Variants in SEC63 observed in about 807,000 individuals in gnomAD.
SEC63 encodes SEC63 protein translocation regulator.
SEC63 carries 56 observed loss-of-function variants against 116.2 expected under a neutral mutation model. The observed-to-expected ratio is 0.48, with a 90% CI of 0.39 to 0.60. The LOEUF (loss-of-function observed/expected upper bound fraction) is 0.60. SEC63 is among the 20% of genes least tolerant of loss of function. The probability of loss-of-function intolerance (pLI) is 0.00; values close to 1 mark genes in which losing one functional copy is unlikely to be tolerated. For synonymous variants in SEC63, 273 were observed against 294.6 expected (o/e 0.93, Z 0.75); for missense variants, 668 against 900.0 (o/e 0.74, Z 3.30).
At chr6:107,878,806 G>A (rs34594108) in intron 18 of SEC63, among the ~76,000 whole-genome samples, 7,414 of 151,916 alleles carry the variant, frequency 0.049, 261 homozygotes, top group Non-Finnish European at 0.074. Flanking sequence ...AGTGAGCCAA[G>A]ATTGCGCCAC....
rs1325216274 is a variant in SEC63, at chr6:107,917,782, CA to C, written c.452+4014del. On this transcript the variant is annotated intron_variant, in intron 4 of 20. Transcript: ENST00000369002. ...AAGGCTGAGAGAGGTGAGGGAGCTGCAGAAGCTAGCAGATGTTGGTCCACAA... is the reference window on the plus strand; with the variant it reads ...AAGGCTGAGAGAGGTGAGGGAGCTGCGAAGCTAGCAGATGTTGGTCCACAA... Among the ~76,000 whole-genome samples the C allele has an allele frequency of 3.3e-5, 5 of 152,168 alleles. 1 individual carries two copies. Among genetic ancestry groups the C allele is most frequent in the African/African-American group, 7.2e-5 (3 of 41,448 alleles).
chr6:107,949,007 G>A (rs1770529216), intron 1 of SEC63, among the ~76,000 whole-genome samples: 1 of 152,190 alleles, frequency 6.6e-6, no homozygotes, highest in African/African-American at 2.4e-5. Flanking sequence ...AAATACATGT[G>A]TATGTCTTTC....
At chr6:107,932,304 A>C (rs1436411443) in intron 1 of SEC63, 1 of 152,212 alleles carries the variant, frequency 6.6e-6, no homozygotes, top group African/African-American at 2.4e-5. Context: ...ATTAAAAAAA[A>C]ATCTACAAAA....
intron 4 of SEC63, 97 bp downstream of exon 4, chr6:107,921,700 C>A: frequency 1.2e-6 from 1 of 815,740 alleles, no homozygotes; most frequent in Non-Finnish European, 2.2e-6. Context: ...GATCCTCCTG[C>A]CTCAGCCTCC....
intron 1 of SEC63, among the ~76,000 whole-genome samples, chr6:107,944,381 A>C (rs966071711): frequency 2.0e-5 from 3 of 152,214 alleles, no homozygotes; most frequent in African/African-American, 7.2e-5. Flanking sequence ...ACTTATACAC[A>C]CAAGTCTGGA....
intron 16 of SEC63, among the ~76,000 whole-genome samples, chr6:107,890,868 C>A (rs567191897): frequency 6.6e-6 from 1 of 152,228 alleles, no homozygotes; most frequent in African/African-American, 2.4e-5. Context: ...GTTGAAAATT[C>A]TTTTCTTTAA....
At chr6:107,890,912 C>T (rs1471981750) in intron 16 of SEC63, among the ~76,000 whole-genome samples, 1 of 152,194 alleles carries the variant, frequency 6.6e-6, no homozygotes, top group Non-Finnish European at 1.5e-5. Context: ...TCTCTTCTGG[C>T]TTGTAAGGTT....
intron 2 of SEC63, among the ~76,000 whole-genome samples, chr6:107,928,874 AG>A (rs761781314): frequency 2.0e-5 from 3 of 152,252 alleles, no homozygotes; most frequent in African/African-American, 4.8e-5. Context: ...AAGGGTGATT[AG>A]GTCCCTGATC....
Position 107,906,822 on chromosome 6 carries a change from C to T in SEC63, c.734-45G>A, listed in dbSNP as rs186687480. On this transcript the variant is annotated intron_variant, in intron 8 of 20. Coordinates refer to ENST00000369002, the MANE Select transcript of SEC63 (RefSeq NM_007214.5). ...ATGAAGGTAAATAAATATGCTCATT[C>T]ATTAATTCCCCCTCCTGAGATACTT... 1.5e-3 allele frequency: 1,990 copies of T among 1,367,508 alleles called. 26 individuals are homozygous for T. Among genetic ancestry groups the T allele is most frequent in the Non-Finnish European group, 2.0e-4 (195 of 956,066 alleles). 84.7% of individuals were successfully genotyped at this position (1,367,508 alleles called of 1,614,324 possible). A position where few individuals can be genotyped will look rare whatever the true frequency, so the allele number is the denominator to read the frequency against.
In SEC63 at chr6:107,869,012, CCT is replaced by C. The variant is rs1203721146; in HGVS notation, c.*2690_*2691del. 1.3e-5 allele frequency: 2 copies of C among 152,202 alleles called. No individual in the cohort carries two copies. The highest frequency in any genetic ancestry group is 2.9e-5 in the Non-Finnish European group (2 of 68,114). The allele number at this position is 152,202 out of a possible 1,614,324, so 9.4% of individuals were successfully genotyped here. On this transcript the variant is annotated 3_prime_UTR_variant, in exon 21 of 21. Transcript: ENST00000369002. The stretch of plus-strand genomic sequence containing the variant: ...GAGAGCCTCATTATATCTCTCCCTC[CCT>C]GTTTCCACATCAGTTGTTTGACATC...
At position 107,869,221 on chromosome 6, in the gene SEC63, G is replaced by GT. The variant is rs1562309405; in HGVS notation, c.*2482dup. 6.6e-6 allele frequency: 1 copy of GT among 152,000 alleles called. No individual in the cohort carries two copies. Among genetic ancestry groups the GT allele is most frequent in the African/African-American group, 2.4e-5 (1 of 41,336 alleles). The allele number at this position is 152,000 out of a possible 1,614,324, so 9.4% of individuals were successfully genotyped here. A position where few individuals can be genotyped will look rare whatever the true frequency, so the allele number is the denominator to read the frequency against. ...ACTTAAAAAAAAAATTATGAAAAAT[G>GT]TTTAAAAAATTCAAAAAGGACATGA... On this transcript the variant is annotated 3_prime_UTR_variant, in exon 21 of 21. Transcript: ENST00000369002.
intron 12 of SEC63, 60 bp from the exon 13 acceptor site, chr6:107,901,577 AG>A (rs1028448514): frequency 9.6e-6 from 12 of 1,244,456 alleles, no homozygotes; most frequent in Non-Finnish European, 1.2e-5. Flanking sequence ...TTTCATAAAA[AG>A]AAAATTACTC....
chr6:107,870,258 C>G lies in SEC63; in HGVS notation c.*1446G>C, dbSNP rs944275216. On this transcript the variant is annotated 3_prime_UTR_variant, in exon 21 of 21. Coordinates refer to ENST00000369002, the MANE Select transcript of SEC63 (RefSeq NM_007214.5). Reference sequence around the variant, plus strand: ...TTATAGAGAAAGAAACTGCTTTCACCCTTTTATAGGAAATATTACATCTTA... The same window carrying G: ...TTATAGAGAAAGAAACTGCTTTCACGCTTTTATAGGAAATATTACATCTTA... 1 of 152,692 alleles carries G rather than the reference C, an allele frequency of 6.5e-6. No individual in the cohort carries two copies. Among genetic ancestry groups the G allele is most frequent in the Non-Finnish European group, 1.5e-5 (1 of 68,016 alleles). 9.5% of individuals were successfully genotyped at this position (152,692 alleles called of 1,614,324 possible). A position where few individuals can be genotyped will look rare whatever the true frequency, so the allele number is the denominator to read the frequency against.
Position 107,868,807 on chromosome 6 carries a change from G to T in SEC63, c.*2897C>A, listed in dbSNP as rs968754607. 2 of 152,072 alleles carry T rather than the reference G, an allele frequency of 1.3e-5. No individual in the cohort carries two copies. Among genetic ancestry groups the T allele is most frequent in the African/African-American group, 4.8e-5 (2 of 41,402 alleles). The allele number at this position is 152,072 out of a possible 1,614,324, so 9.4% of individuals were successfully genotyped here. On this transcript the variant is annotated 3_prime_UTR_variant, in exon 21 of 21. Coordinates refer to ENST00000369002, the MANE Select transcript of SEC63 (RefSeq NM_007214.5). ...TTCATTTTGATAGCTCCAGTATCCAGTCACAGAGCCTGGCACATAGAAACT... is the reference window on the plus strand; with the variant it reads ...TTCATTTTGATAGCTCCAGTATCCATTCACAGAGCCTGGCACATAGAAACT...
intron 16 of SEC63, among the ~76,000 whole-genome samples, chr6:107,887,325 A>G (rs2114415250): frequency 7.0e-6 from 1 of 142,422 alleles, no homozygotes; most frequent in East Asian, 2.0e-4. Context: ...ATTATTCACA[A>G]TAGCAAAGAC....
chr6:107,949,171 A>G (rs1221917168), intron 1 of SEC63, among the ~76,000 whole-genome samples: 1 of 152,254 alleles, frequency 6.6e-6, no homozygotes, highest in African/African-American at 2.4e-5. Flanking sequence ...GGGGCACACA[A>G]TGTATAAAGA....
At chr6:107,935,013 G>A (rs1320572831) in intron 1 of SEC63, among the ~76,000 whole-genome samples, 16 of 129,530 alleles carry the variant, frequency 1.2e-4, no homozygotes, top group South Asian at 2.6e-4. Context: ...CCCCCCGCCC[G>A]GCCAGCCACC....
At chr6:107,934,987 G>A in intron 1 of SEC63, among the ~76,000 whole-genome samples, 1 of 122,706 alleles carries the variant, frequency 8.1e-6, no homozygotes, top group South Asian at 2.8e-4. Context: ...GTCCGGCAGG[G>A]AGGTGGGGGG....
intron 2 of SEC63, among the ~76,000 whole-genome samples, chr6:107,928,583 A>C (rs943783070): frequency 3.3e-5 from 5 of 152,220 alleles, no homozygotes; most frequent in African/African-American, 9.6e-5. Context: ...CTGAAAAAAA[A>C]CTATCATTTA....
Sources: allele counts gnomAD v4.1 joint callset (sites outside exome capture counted in the v4.1 genomes callset), GRCh38; gene constraint gnomAD v4.1.1; transcripts MANE v1.5; gene names NCBI Gene and HGNC (gene_info 2026-07-23, HGNC 2026-07-21).